The following ADORA2A variants were observed in gnomAD, a reference collection of about 807,000 sequenced individuals.
ADORA2A encodes the protein adenosine receptor A2a.
ADORA2A carries 11 observed loss-of-function variants against 18.4 expected under a neutral mutation model. The observed-to-expected ratio is 0.60, with a 90% CI of 0.38 to 0.99. The LOEUF (loss-of-function observed/expected upper bound fraction) is 0.99. ADORA2A is among the 50% of genes least tolerant of loss of function. ADORA2A has a pLI of 0.01. For missense variants in ADORA2A, 449 were observed against 556.1 expected (o/e 0.81, Z 1.94); for synonymous variants, 218 against 237.3 (o/e 0.92, Z 0.75).
chr22:24,427,139 C>T (rs1310505489), upstream of ADORA2A, among the ~76,000 whole-genome samples: 2 of 152,182 alleles, frequency 1.3e-5, no homozygotes, highest in Non-Finnish European at 2.9e-5. Context: ...TCCCCAGAGG[C>T]CCCGGGCTGG....
At chr22:24,427,014 G>A (rs1199582773), upstream of ADORA2A, among the ~76,000 whole-genome samples, 1 of 152,202 alleles carries the variant, frequency 6.6e-6, no homozygotes, top group Non-Finnish European at 1.5e-5. Flanking sequence ...TGCCGCTGCA[G>A]CCCTGGTCTC....
chr22:24,437,916 C>T (rs2043219242), intron 2 of ADORA2A, among the ~76,000 whole-genome samples: 1 of 152,272 alleles, frequency 6.6e-6, no homozygotes, highest in Non-Finnish European at 1.5e-5. Context: ...AAGCCCCTTC[C>T]CTTCCCCAGC....
At chr22:24,429,970 A>G (rs577919109) in intron 1 of ADORA2A, 1 of 152,396 alleles carries the variant, frequency 6.6e-6, no homozygotes, top group East Asian at 1.9e-4. Flanking sequence ...GGGAGAATTT[A>G]CACCACAGAA....
upstream of ADORA2A, among the ~76,000 whole-genome samples, chr22:24,425,952 G>T (rs1161744997): frequency 1.3e-5 from 2 of 152,240 alleles, no homozygotes; most frequent in Non-Finnish European, 2.9e-5. Flanking sequence ...CCAGAGGGCC[G>T]GTGAGGGGTG....
rs762249753 is a variant in ADORA2A, at chr22:24,441,518, G to A, written c.*29G>A. 2 of 1,478,030 alleles carry A rather than the reference G, an allele frequency of 1.4e-6. No homozygotes were observed. The highest frequency in any genetic ancestry group is 2.4e-5 in the East Asian group (1 of 42,492). 91.6% of individuals were successfully genotyped at this position (1,478,030 alleles called of 1,614,324 possible). ...TTCATGGAGTTTGCCCCTTCCTAAG[G>A]GAAGGAGATCTTTATCTTTCTGGTT... On this transcript the variant is annotated 3_prime_UTR_variant, in exon 3 of 3. Transcript: ENST00000337539.
intron 2 of ADORA2A, 68 bp downstream of exon 2, chr22:24,433,804 C>G: frequency 6.7e-7 from 1 of 1,498,582 alleles, no homozygotes; most frequent in Non-Finnish European, 9.0e-7. Flanking sequence ...GTGCCCGGAG[C>G]CAGGGTGAGC....
At chr22:24,425,337 A>ACCCCCCCCCCCCCCCCCCCCCCCCCCC (rs398036656), upstream of ADORA2A, among the ~76,000 whole-genome samples, 2 of 82,356 alleles carry the variant, frequency 2.4e-5, no homozygotes, top group African/African-American at 1.1e-4. Context: ...TGTGGGCAGC[A>ACCCCCCCCCCCCCCCCCCCCCCCCCCC]CCCCCCCCCC....
At chr22:24,432,976 AG>A in intron 1 of ADORA2A, 154 bp from the exon 2 acceptor site, 1 of 228,204 alleles carries the variant, frequency 4.4e-6, no homozygotes, top group Non-Finnish European at 8.8e-6. Flanking sequence ...AGGCGGGGTC[AG>A]GGGCCATCCT....
At chr22:24,425,003 T>C (rs1190486235), upstream of ADORA2A, among the ~76,000 whole-genome samples, 1 of 151,778 alleles carries the variant, frequency 6.6e-6, no homozygotes, top group Non-Finnish European at 1.5e-5. Flanking sequence ...GAGCCGCAGG[T>C]CAAGCCAGCC....
upstream of ADORA2A, among the ~76,000 whole-genome samples, chr22:24,426,887 T>C (rs2042924301): frequency 6.6e-6 from 1 of 152,200 alleles, no homozygotes; most frequent in African/African-American, 2.4e-5. Context: ...ATGATGTTTC[T>C]GTGAGTTGCC....
At position 24,441,076 on chromosome 22, in the gene ADORA2A, C is replaced by G; in HGVS notation, c.826C>G (p.Leu276Val). 6.2e-7 allele frequency: 1 copy of G among 1,614,152 alleles called. No individual in the cohort carries two copies. Among genetic ancestry groups the G allele is most frequent in the Admixed American group, 1.7e-5 (1 of 60,034 alleles). The change falls in exon 3 of 3, where the codon CTC (leucine) becomes GTC (valine). Residue 276 changes from leucine (L) to valine (V), a missense_variant. By Grantham distance (32) the Leu-to-Val change is conservative. Coordinates refer to ENST00000337539, the MANE Select transcript of ADORA2A (RefSeq NM_000675.6). ...PLWLMYLAIVLSHTNSVVNPF... is the reference protein window; with the variant it reads ...PLWLMYLAIVVSHTNSVVNPF... ...CTGGCTCATGTACCTGGCCATCGTC[C>G]TCTCCCACACCAATTCGGTTGTGAA...
chr22:24,424,836 C>G (rs967969613), upstream of ADORA2A, among the ~76,000 whole-genome samples: 1 of 152,130 alleles, frequency 6.6e-6, no homozygotes, highest in Non-Finnish European at 1.5e-5. The surrounding 1 kb of genome is among the most constrained non-coding windows in gnomAD (Gnocchi z 4.9). Context: ...GAGGAGGCCG[C>G]GGGCCGGCAG....
Position 24,441,308 on chromosome 22 carries a change from A to C in ADORA2A, c.1058A>C (p.His353Pro). The C allele has an allele frequency of 6.2e-7, 1 of 1,607,878 alleles. No homozygotes were observed. The highest frequency in any genetic ancestry group is 8.5e-7 in the Non-Finnish European group (1 of 1,176,124). The change falls in exon 3 of 3, where the codon CAC becomes CCC. Residue 353 changes from histidine to proline, a missense_variant. His to Pro is a moderately conservative substitution (Grantham distance 77). Transcript: ENST00000337539. The stretch of plus-strand genomic sequence containing the variant: ...GTGTGGGCCAACGGCAGTGCTCCCC[A>C]CCCTGAGCGGAGGCCCAATGGCTAT... ...PGVWANGSAPHPERRPNGYAL... is the reference protein window; with the variant it reads ...PGVWANGSAPPPERRPNGYAL...
intron 2 of ADORA2A, chr22:24,438,618 G>C (rs2043239302): frequency 6.6e-6 from 1 of 152,204 alleles, no homozygotes; most frequent in Non-Finnish European, 1.5e-5. Flanking sequence ...TCCTGAGAAT[G>C]GGCTTGTCCG....
chr22:24,433,063 G>A (rs1469507636), intron 1 of ADORA2A, 68 bp from the exon 2 acceptor site: 3 of 406,712 alleles, frequency 7.4e-6, no homozygotes, highest in Non-Finnish European at 1.4e-5. Flanking sequence ...GTGGGGTAAG[G>A]GGTGGCACTT....
At chr22:24,437,144 T>C (rs936386576) in intron 2 of ADORA2A, among the ~76,000 whole-genome samples, 14 of 152,040 alleles carry the variant, frequency 9.2e-5, no homozygotes, top group South Asian at 4.1e-4. Context: ...TCTTGGACCA[T>C]AGGGTGAGCC....
At chr22:24,424,595 G>T (rs570209329), upstream of ADORA2A, 1 of 152,430 alleles carries the variant, frequency 6.6e-6, no homozygotes, top group Non-Finnish European at 1.5e-5. The surrounding 1 kb of genome is among the most constrained non-coding windows in gnomAD (Gnocchi z 4.9). Context: ...CCCGGGACGC[G>T]CCGAGAAAGG....
chr22:24,441,035 G>A lies in ADORA2A; in HGVS notation c.785G>A (p.Cys262Tyr), dbSNP rs2043326369. 2 of 1,614,134 alleles carry A rather than the reference G, an allele frequency of 1.2e-6. No individual in the cohort carries two copies. Among genetic ancestry groups the A allele is most frequent in the Admixed American group, 1.7e-5 (1 of 60,026 alleles). The change falls in exon 3 of 3, where the codon TGC becomes TAC. Residue 262 changes from cysteine to tyrosine, a missense_variant. By Grantham distance (194) the Cys-to-Tyr change is radical. Transcript: ENST00000337539. ...TGCTTCACTTTCTTCTGCCCCGACT[G>A]CAGCCACGCCCCTCTCTGGCTCATG... ...INCFTFFCPDCSHAPLWLMYL... is the reference protein window; with the variant it reads ...INCFTFFCPDYSHAPLWLMYL...
Position 24,433,735 on chromosome 22 carries a change from C to A in ADORA2A, c.331C>A (p.Arg111=). ...CTACATTGCCATCCGCATCCCGCTC[C>A]GGTGAGCAGGGCCGGGGTTACATCT... ...DRYIAIRIPL[R]YNGLVTGTRA... is the part of the protein sequence containing the mutation. Residue 111 remains arginine (R), a splice_region_variant and synonymous_variant, in exon 2 of 3, where the codon CGG becomes AGG. Transcript: ENST00000337539. 6.2e-7 allele frequency: 1 copy of A among 1,604,078 alleles called. No homozygotes were observed. Among genetic ancestry groups the A allele is most frequent in the Non-Finnish European group, 8.5e-7 (1 of 1,179,466 alleles).
Sources: gnomAD v4.1 joint callset for allele counts (sites outside exome capture counted in the v4.1 genomes callset) on GRCh38, gnomAD v4.1.1 for gene constraint, Gnocchi (gnomAD v3.1) non-coding constraint, MANE v1.5 for transcripts, NCBI Gene and HGNC (gene_info 2026-07-23, HGNC 2026-07-21) for gene names.